Variants in CDH13 observed in about 807,000 individuals in gnomAD.
CDH13 encodes cadherin 13.
CDH13 carries 24 observed loss-of-function variants against 63.8 expected under a neutral mutation model. The ratio of observed to expected loss-of-function variants is 0.38; its 90% CI spans 0.27 to 0.53. The LOEUF (loss-of-function observed/expected upper bound fraction) is 0.53. Ranked by LOEUF, CDH13 falls within the 20% of genes least tolerant of loss-of-function variation. The pLI is 0.85. For missense variants in CDH13, 1,049 were observed against 903.1 expected, an observed-to-expected ratio of 1.16 and a Z score of -2.07; for synonymous variants, 503 against 355.3, an observed-to-expected ratio of 1.42 and a Z score of -4.67.
chr16:82,696,542 A>C (rs559554492), intron 1 of CDH13, among the ~76,000 whole-genome samples: 45 of 152,236 alleles, frequency 3.0e-4, no homozygotes, highest in Non-Finnish European at 4.4e-4. Flanking sequence ...TGTAAAAAAA[A>C]GTCATTGATT....
At chr16:83,259,584 A>G (rs1239731789) in intron 5 of CDH13, among the ~76,000 whole-genome samples, 1 of 152,218 alleles carries the variant, frequency 6.6e-6, no homozygotes, top group African/African-American at 2.4e-5. Flanking sequence ...ACAGGCAGAG[A>G]AACACTTGAA....
At chr16:83,096,869 A>G (rs2034227228) in intron 3 of CDH13, among the ~76,000 whole-genome samples, 1 of 152,186 alleles carries the variant, frequency 6.6e-6, no homozygotes, top group East Asian at 1.9e-4. Context: ...TTTTTGTTTA[A>G]AGGAAAAATT....
chr16:83,425,648 G>A (rs914633567), intron 6 of CDH13, among the ~76,000 whole-genome samples: 2 of 152,124 alleles, frequency 1.3e-5, no homozygotes, highest in East Asian at 1.9e-4. Flanking sequence ...TATGTCTTTA[G>A]TCATCTCCTA....
chr16:83,289,000 C>T (rs1567566771), intron 5 of CDH13, among the ~76,000 whole-genome samples: 1 of 152,128 alleles, frequency 6.6e-6, no homozygotes, highest in Non-Finnish European at 1.5e-5. Context: ...CTACAGTTCC[C>T]GTAAGGGGTT....
intron 13 of CDH13, among the ~76,000 whole-genome samples, chr16:83,784,621 G>A (rs1915756054): frequency 1.4e-5 from 2 of 144,070 alleles, no homozygotes; most frequent in South Asian, 4.6e-4. Flanking sequence ...GACAGAGCAA[G>A]GCTCTGTCTC....
chr16:82,947,531 A>T (rs1356669722), intron 2 of CDH13, among the ~76,000 whole-genome samples: 1 of 152,028 alleles, frequency 6.6e-6, no homozygotes. Flanking sequence ...TGTAATTTTG[A>T]CACATCTGCC....
intron 4 of CDH13, among the ~76,000 whole-genome samples, chr16:83,128,744 G>A (rs1340425346): frequency 6.6e-6 from 1 of 152,290 alleles, no homozygotes; most frequent in East Asian, 1.9e-4. Flanking sequence ...GCAGCTAATT[G>A]GGAACATTCT....
chr16:83,478,859 A>G (rs1195889199), intron 6 of CDH13, among the ~76,000 whole-genome samples: 2 of 152,118 alleles, frequency 1.3e-5, no homozygotes, highest in Non-Finnish European at 2.9e-5. Context: ...AAAAAGAAAA[A>G]AAGAAAAAGC....
chr16:83,546,427 TG>T (rs199627550), intron 7 of CDH13, among the ~76,000 whole-genome samples: 3 of 132,060 alleles, frequency 2.3e-5, no homozygotes, highest in Non-Finnish European at 3.5e-5. Context: ...GCCATACTAC[TG>T]GTTTTTTTTT....
intron 2 of CDH13, among the ~76,000 whole-genome samples, chr16:82,972,915 C>G (rs540575398): frequency 1.3e-5 from 2 of 152,280 alleles, no homozygotes; most frequent in South Asian, 2.1e-4. Context: ...TTAATGAACC[C>G]TCGTAGGCGT....
intron 10 of CDH13, among the ~76,000 whole-genome samples, chr16:83,737,246 C>T (rs1013943456): frequency 1.3e-5 from 2 of 152,110 alleles, no homozygotes; most frequent in South Asian, 2.1e-4. Context: ...TATTAGTGAG[C>T]GCTGTTAGAC....
At chr16:83,514,210 G>A (rs1199819936) in intron 7 of CDH13, among the ~76,000 whole-genome samples, 1 of 152,146 alleles carries the variant, frequency 6.6e-6, no homozygotes, top group African/African-American at 2.4e-5. Context: ...ATCACTTTCT[G>A]TACTAGGTTG....
intron 1 of CDH13, among the ~76,000 whole-genome samples, chr16:82,777,185 T>G (rs1037971353): frequency 6.6e-6 from 1 of 152,150 alleles, no homozygotes; most frequent in Non-Finnish European, 1.5e-5. Context: ...CCCAGAGTGG[T>G]CTCCAACTCC....
At chr16:83,427,160 T>A (rs1241676689) in intron 6 of CDH13, among the ~76,000 whole-genome samples, 1 of 151,950 alleles carries the variant, frequency 6.6e-6, no homozygotes, top group Non-Finnish European at 1.5e-5. Flanking sequence ...GTGATCCGCC[T>A]GCCTCAGCCT....
intron 1 of CDH13, among the ~76,000 whole-genome samples, chr16:82,811,451 A>G (rs1769545759): frequency 6.6e-6 from 1 of 152,186 alleles, no homozygotes; most frequent in African/African-American, 2.4e-5. Flanking sequence ...CACAATTGAA[A>G]TGTGATATAA....
intron 1 of CDH13, among the ~76,000 whole-genome samples, chr16:82,776,251 G>GATTA (rs2035490904): frequency 7.7e-6 from 1 of 130,138 alleles, no homozygotes; most frequent in South Asian, 2.8e-4. Flanking sequence ...GGGATTAAGG[G>GATTA]AGGGAGGGAG....
chr16:82,770,961 C>T (rs145968225), intron 1 of CDH13, among the ~76,000 whole-genome samples: 7 of 152,190 alleles, frequency 4.6e-5, no homozygotes, highest in African/African-American at 1.2e-4. Flanking sequence ...GCAATCCCCC[C>T]GCTTCGGCCT....
chr16:83,226,434 A>T (rs2039841453), intron 5 of CDH13, among the ~76,000 whole-genome samples: 1 of 152,214 alleles, frequency 6.6e-6, no homozygotes, highest in South Asian at 2.1e-4. Flanking sequence ...GAATCTTGGC[A>T]GGTGGGAGAA....
chr16:83,426,591 A>G (rs2071906864), intron 6 of CDH13, among the ~76,000 whole-genome samples: 1 of 151,868 alleles, frequency 6.6e-6, no homozygotes, highest in Non-Finnish European at 1.5e-5. Flanking sequence ...TGGACTGAAC[A>G]GTCTAGAAGA....
Sources: gnomAD v4.1 joint callset for allele counts (sites outside exome capture counted in the v4.1 genomes callset) on GRCh38, gnomAD v4.1.1 for gene constraint, MANE v1.5 for transcripts, NCBI Gene and HGNC (gene_info 2026-07-23, HGNC 2026-07-21) for gene names.